SPHKAP: variants seen among roughly 807,000 people sequenced by gnomAD.
SPHKAP encodes A-kinase anchor protein SPHKAP.
SPHKAP carries 67 observed loss-of-function variants against 137.5 expected under a neutral mutation model. The observed-to-expected ratio is 0.49, with a 90% confidence interval of 0.40 to 0.60. The LOEUF (loss-of-function observed/expected upper bound fraction) is 0.60, where lower values mean the gene tolerates loss of function less well. Among genes scored for constraint, SPHKAP ranks in the 20% least tolerant of loss-of-function variants. SPHKAP has a pLI of 0.00. For synonymous variants in SPHKAP, 813 were observed against 785.3 expected (o/e 1.04, Z -0.59); for missense variants, 2,097 against 2,069.3 (o/e 1.01, Z -0.26).
At chr2:228,169,665 A>G (rs776165996) in intron 1 of SPHKAP, 2 of 152,122 alleles carry the variant, frequency 1.3e-5, no homozygotes, top group African/African-American at 2.4e-5. Flanking sequence ...ATGCCTGCTT[A>G]CATAACATCC....
intron 1 of SPHKAP, among the ~76,000 whole-genome samples, chr2:228,156,228 C>T (rs1700103222): frequency 6.6e-6 from 1 of 152,142 alleles, no homozygotes; most frequent in Non-Finnish European, 1.5e-5. Context: ...GCCACAGGAA[C>T]TGAGAGGATA....
intron 11 of SPHKAP, among the ~76,000 whole-genome samples, chr2:227,985,373 G>A (rs940189797): frequency 6.6e-6 from 1 of 152,066 alleles, no homozygotes; most frequent in African/African-American, 2.4e-5. Context: ...TTAAAAAAAG[G>A]TAAGAATGAA....
At chr2:228,047,263 C>T (rs1193395180) in intron 3 of SPHKAP, among the ~76,000 whole-genome samples, 1 of 151,972 alleles carries the variant, frequency 6.6e-6, no homozygotes, top group Non-Finnish European at 1.5e-5. Flanking sequence ...GTCAGGAGTT[C>T]GAGATCAGCC....
intron 7 of SPHKAP, among the ~76,000 whole-genome samples, chr2:228,008,731 T>C (rs1694243033): frequency 6.6e-6 from 1 of 152,294 alleles, no homozygotes; most frequent in East Asian, 1.9e-4. Flanking sequence ...GTACTGTTTA[T>C]TGAAGAGACT....
rs758385352 is a variant in SPHKAP, at chr2:228,019,087, G to A, written c.1767C>T (p.Leu589=). The change falls in exon 7 of 12, where the codon CTC becomes CTT. Residue 589 remains leucine, a synonymous_variant. Transcript: ENST00000392056. ...VTCSVAPSGS[L]PPAAEASEAM... ...CTTCAGAAGCCTCAGCTGCAGGCGG[G>A]AGGCTACCACTTGGAGCCACTGAGC... The A allele has an allele frequency of 9.3e-6, 15 of 1,614,044 alleles. No homozygotes were observed. Among genetic ancestry groups the A allele is most frequent in the Non-Finnish European group, 1.3e-5 (15 of 1,180,012 alleles).
At chr2:228,123,273 A>T (rs760461450) in intron 2 of SPHKAP, among the ~76,000 whole-genome samples, 13 of 152,236 alleles carry the variant, frequency 8.5e-5, no homozygotes, top group Non-Finnish European at 1.8e-4. Context: ...TTACTCTTGC[A>T]GAATGGTGAT....
At chr2:228,069,259 C>T (rs1049191124) in intron 3 of SPHKAP, among the ~76,000 whole-genome samples, 2 of 152,122 alleles carry the variant, frequency 1.3e-5, no homozygotes, top group Non-Finnish European at 2.9e-5. Context: ...AAGAGCAAAA[C>T]TCTGTCTCAA....
chr2:228,040,352 G>A (rs1254275459), intron 3 of SPHKAP, among the ~76,000 whole-genome samples: 2 of 152,016 alleles, frequency 1.3e-5, no homozygotes, highest in African/African-American at 2.4e-5. Context: ...TCAGGACCCT[G>A]GACCAAAATT....
intron 2 of SPHKAP, among the ~76,000 whole-genome samples, chr2:228,111,705 A>G (rs1456842850): frequency 6.6e-6 from 1 of 152,116 alleles, no homozygotes; most frequent in Non-Finnish European, 1.5e-5. Flanking sequence ...AATTATTATA[A>G]AGATACAAAT....
At position 228,012,294 on chromosome 2, in the gene SPHKAP, TA is replaced by T. The variant is rs373130036; in HGVS notation, c.4448+4111del. On this transcript the variant is annotated intron_variant, in intron 7 of 11. Transcript: ENST00000392056. ...CTTGTCTTCCTTGCTTGTCTTCCTT[TA>T]AAAAAAAAGATCAGCTTCATACCTA... 9.9e-3 allele frequency among the ~76,000 whole-genome samples: 1,483 copies of T among 150,162 alleles called. 26 individuals carry two copies. Among genetic ancestry groups the T allele is most frequent in the African/African-American group, 0.036 (1,433 of 40,242 alleles).
rs149228932 is a variant in SPHKAP, at chr2:228,041,804, G to A, written c.247-14261C>T. 3.2e-3 allele frequency among the ~76,000 whole-genome samples: 490 copies of A among 152,182 alleles called. 2 individuals carry two copies. The highest frequency in any genetic ancestry group is 0.014 in the Middle Eastern group (4 of 294). On this transcript the variant is annotated intron_variant, in intron 3 of 11. Transcript: ENST00000392056. ...ATCTAGGTGGTCATGTGGAGCGGAG[G>A]ACACTGGCCGTGGGAGGGGATGTGC...
At chr2:228,002,614 T>C (rs1693952338) in intron 7 of SPHKAP, among the ~76,000 whole-genome samples, 1 of 152,250 alleles carries the variant, frequency 6.6e-6, no homozygotes, top group African/African-American at 2.4e-5. Context: ...GCCATTGCTT[T>C]TGGTGTTTTA....
chr2:228,172,351 T>A (rs1244555103), intron 1 of SPHKAP, among the ~76,000 whole-genome samples: 2 of 152,168 alleles, frequency 1.3e-5, no homozygotes, highest in African/African-American at 4.8e-5. Context: ...CTACAGGCCA[T>A]GGTATTTATT....
intron 2 of SPHKAP, among the ~76,000 whole-genome samples, chr2:228,128,527 C>T (rs771244831): frequency 6.6e-6 from 1 of 152,100 alleles, no homozygotes; most frequent in Non-Finnish European, 1.5e-5. Flanking sequence ...TGACCTTCTT[C>T]CATGAACCAT....
At chr2:228,076,097 G>A (rs1026175216) in intron 3 of SPHKAP, among the ~76,000 whole-genome samples, 2 of 152,138 alleles carry the variant, frequency 1.3e-5, no homozygotes, top group Non-Finnish European at 1.5e-5. Context: ...CCCTGCACAA[G>A]CCCTCTTTGC....
At chr2:228,162,397 CT>C (rs1700299536) in intron 1 of SPHKAP, among the ~76,000 whole-genome samples, 1 of 152,202 alleles carries the variant, frequency 6.6e-6, no homozygotes, top group Non-Finnish European at 1.5e-5. Context: ...AGTATTCTAA[CT>C]GGCCAAATCA....
At chr2:228,052,739 T>A (rs753335623) in intron 3 of SPHKAP, among the ~76,000 whole-genome samples, 2 of 152,204 alleles carry the variant, frequency 1.3e-5, no homozygotes, top group Non-Finnish European at 2.9e-5. Context: ...CTAAAACTTT[T>A]TCTCTTTCTT....
chr2:228,138,820 C>T (rs563457388), intron 1 of SPHKAP, among the ~76,000 whole-genome samples: 1 of 152,214 alleles, frequency 6.6e-6, no homozygotes, highest in Non-Finnish European at 1.5e-5. Flanking sequence ...CTGCTTTAAC[C>T]ATCATTCTTC....
intron 2 of SPHKAP, among the ~76,000 whole-genome samples, chr2:228,122,584 T>C (rs1469491324): frequency 6.6e-6 from 1 of 152,208 alleles, no homozygotes; most frequent in Admixed American, 6.5e-5. Flanking sequence ...GGTCACCACA[T>C]TGACATCTTC....
Sources: allele counts gnomAD v4.1 joint callset (sites outside exome capture counted in the v4.1 genomes callset), GRCh38; gene constraint gnomAD v4.1.1; transcripts MANE v1.5; gene names NCBI Gene and HGNC (gene_info 2026-07-23, HGNC 2026-07-21).